Variants in EMC2 observed in about 807,000 individuals in gnomAD.
The protein encoded by EMC2 is ER membrane protein complex subunit 2, also known as TPR repeat protein 35.
A neutral mutation model predicts 51.6 loss-of-function variants in EMC2; 37 were observed. The observed-to-expected ratio is 0.72, with a 90% CI of 0.55 to 0.94. The LOEUF is 0.94. Among genes scored for constraint, EMC2 ranks in the 40% least tolerant of loss-of-function variants. EMC2 has a pLI of 0.00. For synonymous variants in EMC2, 131 were observed against 112.4 expected, an observed-to-expected ratio of 1.17 and a Z score of -1.04; for missense variants, 359 against 350.9, an observed-to-expected ratio of 1.02 and a Z score of -0.18.
At chr8:108,483,368 C>T (rs1015434228) in intron 10 of EMC2, among the ~76,000 whole-genome samples, 1 of 152,164 alleles carries the variant, frequency 6.6e-6, no homozygotes, top group Non-Finnish European at 1.5e-5. Context: ...AAGAAACTTT[C>T]CTTCTGCCAT....
intron 1 of EMC2, among the ~76,000 whole-genome samples, chr8:108,449,271 C>T (rs1160287573): frequency 9.0e-6 from 1 of 111,586 alleles, no homozygotes; most frequent in African/African-American, 4.0e-5. Context: ...TGCCACCATG[C>T]TGCCTTTTTT....
chr8:108,476,844 A>T lies in EMC2; in HGVS notation c.654A>T (p.Ala218=), dbSNP rs1198393941. The change falls in exon 9 of 11, where the codon GCA becomes GCT. Residue 218 remains alanine, a synonymous_variant. Transcript: ENST00000220853. ...TTTCAAGAAAGTATTTTGCACAGGC[A>T]TTGAAACTGAACAACAGAAATATGA... ...LELSRKYFAQ[A]LKLNNRNMRA... The T allele has an allele frequency of 1.9e-6, 3 of 1,606,158 alleles. No individual in the cohort carries two copies. In the South Asian group the frequency reaches 3.3e-5, roughly 18 times the overall value.
chr8:108,482,939 T>C (rs1461307433), intron 10 of EMC2, among the ~76,000 whole-genome samples: 5 of 152,124 alleles, frequency 3.3e-5, no homozygotes, highest in African/African-American at 1.2e-4. Flanking sequence ...GCTCCCCATA[T>C]GGATATCCAG....
chr8:108,470,039 T>C (rs1810821665), intron 6 of EMC2, 23 bp from the exon 7 acceptor site: 11 of 1,609,118 alleles, frequency 6.8e-6, no homozygotes, highest in Non-Finnish European at 9.4e-6. Context: ...CACACTTACT[T>C]TTTTTTCTTT....
chr8:108,454,688 GA>G (rs1348750817), intron 4 of EMC2, among the ~76,000 whole-genome samples: 1 of 151,582 alleles, frequency 6.6e-6, no homozygotes, highest in Non-Finnish European at 1.5e-5. Flanking sequence ...TTATATATTA[GA>G]ACCTTCCAAA....
intron 5 of EMC2, among the ~76,000 whole-genome samples, chr8:108,468,525 C>T (rs1023641941): frequency 2.0e-5 from 3 of 151,216 alleles, no homozygotes; most frequent in African/African-American, 7.3e-5. Flanking sequence ...TTTTAATTAC[C>T]CAAAATATTA....
At position 108,453,357 on chromosome 8, in the gene EMC2, T is replaced by G. The variant is rs191303282; in HGVS notation, c.305+210T>G. Among the ~76,000 whole-genome samples the G allele has an allele frequency of 4.1e-4, 63 of 152,298 alleles. 1 individual carries two copies. The highest frequency in any genetic ancestry group is 7.6e-4 in the Non-Finnish European group (52 of 68,014). On this transcript the variant is annotated intron_variant, in intron 4 of 10. Coordinates refer to ENST00000220853, the MANE Select transcript of EMC2 (RefSeq NM_014673.5). The stretch of plus-strand genomic sequence containing the variant: ...TCTTTTTGAAGTATCTTCTTTAGTC[T>G]TTACCCATTTAAAAAATTGCGTTAT...
chr8:108,453,072 A>T lies in EMC2; in HGVS notation c.230A>T (p.Gln77Leu). The T allele has an allele frequency of 6.3e-7, 1 of 1,589,918 alleles. No homozygotes were observed. Among genetic ancestry groups the T allele is most frequent in the Non-Finnish European group, 8.6e-7 (1 of 1,167,488 alleles). ...GRDDLALFCL[Q>L]ELRRQFPGSH... The stretch of plus-strand genomic sequence containing the variant: ...CCCTTATTTTTTCAGTTTTGTCTTC[A>T]AGAGCTGAGAAGACAGTTCCCTGGC... Residue 77 changes from glutamine (Q) to leucine (L), a missense_variant, in exon 4 of 11, where the codon CAA becomes CTA. Gln to Leu is a moderately radical substitution (Grantham distance 113). Transcript: ENST00000220853.
chr8:108,462,236 T>G (rs1819346340), intron 5 of EMC2, among the ~76,000 whole-genome samples: 1 of 152,232 alleles, frequency 6.6e-6, no homozygotes, highest in Non-Finnish European at 1.5e-5. Context: ...TGTGTATTCC[T>G]CTGACAGGGA....
intron 4 of EMC2, among the ~76,000 whole-genome samples, chr8:108,454,565 A>G (rs1296833069): frequency 4.6e-5 from 7 of 152,074 alleles, no homozygotes; most frequent in Admixed American, 4.6e-4. Context: ...AATCATAATC[A>G]CCAAATATAT....
In EMC2 at chr8:108,488,341, G is replaced by A. The variant is rs1811180686; in HGVS notation, c.*1743G>A. The stretch of plus-strand genomic sequence containing the variant: ...ATGCCTGGCTAATTTTGTATTTTTA[G>A]TAGAGATGGGGTTTCACCATGTTGG... On this transcript the variant is annotated 3_prime_UTR_variant, in exon 11 of 11. Coordinates refer to ENST00000220853, the MANE Select transcript of EMC2 (RefSeq NM_014673.5). Among the ~76,000 whole-genome samples the A allele has an allele frequency of 1.3e-5, 2 of 151,808 alleles. No individual in the cohort carries two copies. The highest frequency in any genetic ancestry group is 2.9e-5 in the Non-Finnish European group (2 of 67,954).
At position 108,449,762 on chromosome 8, in the gene EMC2, T is replaced by A. The variant is rs1170997518; in HGVS notation, c.41-61T>A. 7 of 676,792 alleles carry A rather than the reference T, an allele frequency of 1.0e-5. No individual in the cohort carries two copies. The African/African-American group carries it at 1.3e-4, about 13-fold the overall frequency. 41.9% of individuals were successfully genotyped at this position (676,792 alleles called of 1,614,324 possible). On this transcript the variant is annotated intron_variant, in intron 1 of 10. Transcript: ENST00000220853. ...TGTCTTGTCAGGTTTTTGACATCTA[T>A]CGGATGTGTATGTGTGTGTCTGGGT...
intron 10 of EMC2, among the ~76,000 whole-genome samples, chr8:108,479,672 A>C (rs966277549): frequency 6.6e-6 from 1 of 152,016 alleles, no homozygotes; most frequent in African/African-American, 2.4e-5. Flanking sequence ...CTTTAGCCTT[A>C]TTTGTCTATA....
intron 9 of EMC2, among the ~76,000 whole-genome samples, chr8:108,477,627 A>G (rs1032837011): frequency 2.6e-5 from 4 of 152,090 alleles, no homozygotes; most frequent in Admixed American, 6.6e-5. Context: ...ACAATTTTTA[A>G]AAAGGAATGG....
chr8:108,485,332 A>C (rs11775598), intron 10 of EMC2, among the ~76,000 whole-genome samples: 102,428 of 149,812 alleles, frequency 0.68, 35,573 homozygotes, highest in African/African-American at 0.81. Flanking sequence ...GAGTGGTTTG[A>C]TGTTAACTTG....
chr8:108,472,645 G>A (rs1234454921), intron 7 of EMC2, among the ~76,000 whole-genome samples: 1 of 151,566 alleles, frequency 6.6e-6, no homozygotes, highest in Non-Finnish European at 1.5e-5. Context: ...CAGTTCACTT[G>A]ATTCATTTGA....
intron 10 of EMC2, among the ~76,000 whole-genome samples, chr8:108,486,178 T>C (rs1218071392): frequency 6.9e-6 from 1 of 144,648 alleles, no homozygotes; most frequent in East Asian, 2.0e-4. Context: ...ATAAGCTAAA[T>C]TGCATTTTAA....
chr8:108,451,219 AAAATC>A (rs149665834), intron 3 of EMC2, among the ~76,000 whole-genome samples: 17,544 of 151,764 alleles, frequency 0.12, 1,806 homozygotes, highest in African/African-American at 0.27. Flanking sequence ...AAAAAAGAAA[AAAATC>A]AAACAAACCT....
At chr8:108,453,673 A>C (rs1819085205) in intron 4 of EMC2, among the ~76,000 whole-genome samples, 1 of 152,102 alleles carries the variant, frequency 6.6e-6, no homozygotes, top group Non-Finnish European at 1.5e-5. Flanking sequence ...TTTAGTTTGT[A>C]AGAGTGCTTT....
Sources: allele counts gnomAD v4.1 joint callset (sites outside exome capture counted in the v4.1 genomes callset), GRCh38; gene constraint gnomAD v4.1.1; transcripts MANE v1.5; gene names NCBI Gene and HGNC (gene_info 2026-07-23, HGNC 2026-07-21).